PTPA: variants seen among roughly 807,000 people sequenced by gnomAD.
PTPA encodes protein phosphatase 2 phosphatase activator, also known as serine/threonine-protein phosphatase 2A activator.
In PTPA, 13 loss-of-function variants were observed where a neutral mutation model predicts 43.6. The observed-to-expected ratio is 0.30, with a 90% confidence interval of 0.19 to 0.47. The LOEUF (loss-of-function observed/expected upper bound fraction) is 0.47, where lower values mean the gene tolerates loss of function less well. PTPA is among the 20% of genes least tolerant of loss of function. The pLI is 0.99. For missense variants in PTPA, 329 were observed against 411.9 expected (o/e 0.80, Z 1.74); for synonymous variants, 172 against 158.2 (o/e 1.09, Z -0.66).
chr9:129,122,687 C>G (rs186616112), intron 2 of PTPA, among the ~76,000 whole-genome samples: 1 of 152,282 alleles, frequency 6.6e-6, no homozygotes, highest in East Asian at 1.9e-4. Flanking sequence ...ATATCTTGGT[C>G]TTGGGAGACC....
intron 8 of PTPA, 33 bp from the exon 9 acceptor site, chr9:129,142,412 C>T (rs958691085): frequency 6.5e-7 from 1 of 1,540,016 alleles, no homozygotes; most frequent in Non-Finnish European, 8.8e-7. Context: ...CAGCCAGAAC[C>T]TGTCTCTTCA....
chr9:129,139,783 C>G (rs1850634917), intron 8 of PTPA: 1 of 152,036 alleles, frequency 6.6e-6, no homozygotes, highest in Admixed American at 6.6e-5. Flanking sequence ...GGGAGATTAA[C>G]TAAAACACCG....
chr9:129,118,693 A>G (rs535310038), intron 1 of PTPA, among the ~76,000 whole-genome samples: 1 of 150,628 alleles, frequency 6.6e-6, no homozygotes, highest in South Asian at 2.1e-4. Context: ...TTTTTTTTTT[A>G]AAGTAGAGAT....
rs1851393928 is a variant in PTPA, at chr9:129,147,715, T to C, written c.*251T>C. ...GCTAGACTGGCCAGAAGAGAGGGTC[T>C]GGGGCCTGGTCACTCGGCCACTCTC... On this transcript the variant is annotated 3_prime_UTR_variant, in exon 10 of 10. Transcript: ENST00000393370. 4.0e-6 allele frequency: 2 copies of C among 493,976 alleles called. No homozygotes were observed. Among genetic ancestry groups the C allele is most frequent in the South Asian group, 4.3e-5 (2 of 47,048 alleles). The allele number at this position is 493,976 out of a possible 1,614,324, so 30.6% of individuals were successfully genotyped here. A position where few individuals can be genotyped will look rare whatever the true frequency, so the allele number is the denominator to read the frequency against.
chr9:129,111,613 G>T lies in PTPA; in HGVS notation c.13G>T (p.Glu5Ter). 7.8e-7 allele frequency: 1 copy of T among 1,278,228 alleles called. No homozygotes were observed. 79.2% of individuals were successfully genotyped at this position (1,278,228 alleles called of 1,614,324 possible). A position where few individuals can be genotyped will look rare whatever the true frequency, so the allele number is the denominator to read the frequency against. ...TGGCCGGAGCAAGATGGCTGAGGGC[G>T]AGCGGCAGCCGCCGCCAGGTAAGGC... is the stretch of plus-strand genomic sequence containing the variant. MAEG[E>*]RQPPPDSSEE... Residue 5 changes from glutamate (E) to a stop codon, truncating the protein, a stop_gained, in exon 1 of 10, where the codon GAG becomes TAG. Transcript: ENST00000393370. LOFTEE classifies it high-confidence loss of function.
At chr9:129,114,021 G>T (rs542201533) in intron 1 of PTPA, among the ~76,000 whole-genome samples, 44 of 152,154 alleles carry the variant, frequency 2.9e-4, no homozygotes, top group African/African-American at 1.0e-3. Flanking sequence ...CAGCTGGAAA[G>T]AACTTCTTCT....
At chr9:129,142,196 T>C in intron 8 of PTPA, 1 of 407,112 alleles carries the variant, frequency 2.5e-6, no homozygotes, top group Admixed American at 4.4e-5. Context: ...GCAAGGAATG[T>C]TATATTTTCC....
intron 1 of PTPA, among the ~76,000 whole-genome samples, chr9:129,118,429 C>T (rs1046286113): frequency 4.6e-5 from 7 of 151,964 alleles, no homozygotes; most frequent in Admixed American, 2.0e-4. Context: ...GGCTGGAGTG[C>T]GATGGCACGA....
chr9:129,116,628 G>A (rs374680612), intron 1 of PTPA, among the ~76,000 whole-genome samples: 4 of 152,064 alleles, frequency 2.6e-5, no homozygotes, highest in African/African-American at 4.8e-5. Context: ...CTTGTGATCC[G>A]CCCGCCTCGG....
intron 9 of PTPA, among the ~76,000 whole-genome samples, chr9:129,146,125 T>C (rs987818794): frequency 2.0e-5 from 3 of 151,844 alleles, no homozygotes; most frequent in Admixed American, 6.5e-5. Flanking sequence ...GGGGCTCTTA[T>C]GACCACTTCT....
chr9:129,132,152 G>A (rs1850019837), intron 5 of PTPA, among the ~76,000 whole-genome samples: 1 of 151,994 alleles, frequency 6.6e-6, no homozygotes, highest in South Asian at 2.1e-4. Context: ...TTGAGGAGAG[G>A]GAGTGTGTGG....
intron 6 of PTPA, 31 bp from the exon 7 acceptor site, chr9:129,136,440 C>T: frequency 1.3e-6 from 2 of 1,585,990 alleles, no homozygotes; most frequent in Non-Finnish European, 8.6e-7. Context: ...TTACTTTTTG[C>T]TACCTTCCCT....
rs10988231 is a variant in PTPA at position 129,147,478 on chromosome 9, G to A, written c.*14G>A. ...ACGTCGGGCTAGGAGGGGCCAAGCC[G>A]AAGAGCCACCCAGGCCACAGTTCCT... On this transcript the variant is annotated 3_prime_UTR_variant, in exon 10 of 10. Transcript: ENST00000393370. 1.4e-4 allele frequency: 221 copies of A among 1,611,954 alleles called. 1 individual carries two copies. In the East Asian group the frequency reaches 4.7e-3, roughly 35 times the overall value.
intron 8 of PTPA, 107 bp from the exon 9 acceptor site, chr9:129,142,334 GCGTT>G (rs1327859649): frequency 1.2e-5 from 11 of 938,878 alleles, no homozygotes; most frequent in African/African-American, 1.8e-5. Flanking sequence ...GTGTGCGTGT[GCGTT>G]TGTGTGTGTG....
In PTPA at chr9:129,125,264, CT is replaced by C. The variant is rs200683392; in HGVS notation, c.216+2138del. On this transcript the variant is annotated intron_variant, in intron 3 of 9. Coordinates refer to ENST00000393370, the MANE Select transcript of PTPA (RefSeq NM_178000.3). ...GCCATCCACACCAAGCAGGTATTGT[CT>C]TTTTTTTTTTTGAGTTTTTCTTGTT... Among the ~76,000 whole-genome samples the C allele has an allele frequency of 4.3e-3, 625 of 145,296 alleles. 2 individuals carry two copies. The highest frequency in any genetic ancestry group is 0.011 in the Middle Eastern group (3 of 278).
intron 3 of PTPA, among the ~76,000 whole-genome samples, chr9:129,126,942 A>T (rs1424093104): frequency 6.6e-6 from 1 of 152,078 alleles, no homozygotes; most frequent in Non-Finnish European, 1.5e-5. Flanking sequence ...CCTAAGACTG[A>T]GATCCCTGGG....
At chr9:129,134,530 C>G (rs1850224078) in intron 5 of PTPA, among the ~76,000 whole-genome samples, 2 of 152,058 alleles carry the variant, frequency 1.3e-5, no homozygotes, top group Non-Finnish European at 2.9e-5. Flanking sequence ...TCTCAAACTC[C>G]TGAGCTCAAG....
chr9:129,112,855 C>A (rs539518485), intron 1 of PTPA, among the ~76,000 whole-genome samples: 1 of 152,044 alleles, frequency 6.6e-6, no homozygotes, highest in Non-Finnish European at 1.5e-5. Flanking sequence ...GCAGGAGAAT[C>A]GCTTGAACCT....
intron 7 of PTPA, 60 bp from the exon 8 acceptor site, chr9:129,137,532 G>A (rs1850452456): frequency 5.8e-6 from 8 of 1,389,694 alleles, no homozygotes; most frequent in South Asian, 5.1e-5. Flanking sequence ...CTGCTGGGCC[G>A]GGTTGCCCAG....
Sources: allele counts gnomAD v4.1 joint callset (sites outside exome capture counted in the v4.1 genomes callset), GRCh38; gene constraint gnomAD v4.1.1; transcripts MANE v1.5; gene names NCBI Gene and HGNC (gene_info 2026-07-23, HGNC 2026-07-21).